The following LLGL2 variants were observed in gnomAD, a reference collection of about 807,000 sequenced individuals.
LLGL2 encodes LLGL2, scribble cell polarity complex component.
LLGL2 carries 81 observed loss-of-function variants against 123.2 expected under a neutral mutation model. The observed-to-expected ratio is 0.66, with a 90% CI of 0.55 to 0.79. The LOEUF (loss-of-function observed/expected upper bound fraction) is 0.79, where lower values mean the gene tolerates loss of function less well. Among genes scored for constraint, LLGL2 ranks in the 30% least tolerant of loss-of-function variants. The pLI is 0.00. For missense variants in LLGL2, 1,273 were observed against 1,414.6 expected (o/e 0.90, Z 1.61); for synonymous variants, 577 against 594.1 (o/e 0.97, Z 0.42).
Position 75,573,103 on chromosome 17 carries a change from C to G in LLGL2, c.2550C>G (p.His850Gln). 1 of 1,612,860 alleles carries G rather than the reference C, an allele frequency of 6.2e-7. No individual in the cohort carries two copies. Among genetic ancestry groups the G allele is most frequent in the Non-Finnish European group, 8.5e-7 (1 of 1,179,946 alleles). ...GAGTGCGGCGGGTCAGCGTGGCCCACTTCGGCAGTCGTCGAGCCGAGGACT... is the reference window on the plus strand; with the variant it reads ...GAGTGCGGCGGGTCAGCGTGGCCCAGTTCGGCAGTCGTCGAGCCGAGGACT... The part of the protein sequence containing the change: ...GSRVRRVSVA[H>Q]FGSRRAEDYG... The change falls in exon 20 of 26, where the codon CAC becomes CAG. Residue 850 changes from histidine to glutamine, a missense_variant. Physicochemically the swap from His to Gln is conservative, Grantham distance 24. Coordinates refer to ENST00000392550, the MANE Select transcript of LLGL2 (RefSeq NM_001031803.2).
chr17:75,535,415 G>T lies in LLGL2; in HGVS notation c.-30-7982G>T, dbSNP rs921741388. On this transcript the variant is annotated intron_variant, in intron 1 of 25. Coordinates refer to ENST00000392550, the MANE Select transcript of LLGL2 (RefSeq NM_001031803.2). ...CGGCCCGGGGGCCCTCTCTGGTTTCGGCTGGGTCTGGAGTCCTGCCGCTGG... is the reference window on the plus strand; with the variant it reads ...CGGCCCGGGGGCCCTCTCTGGTTTCTGCTGGGTCTGGAGTCCTGCCGCTGG... Among the ~76,000 whole-genome samples, 3 of 152,192 alleles carry T rather than the reference G, an allele frequency of 2.0e-5. No individual in the cohort carries two copies. In the East Asian group the frequency reaches 5.8e-4, roughly 29 times the overall value.
chr17:75,558,087 G>A lies in LLGL2; in HGVS notation c.174-68G>A. On this transcript the variant is annotated intron_variant, in intron 3 of 25. Transcript: ENST00000392550. This position sits in a 1 kb window ranked among gnomAD's most constrained non-coding sequence, Gnocchi z 4.0. Reference sequence around the variant, plus strand: ...TGCATCATTGCACATGGGCCCCGAGGGCCTGGCACTCAAGGCAGGCAGGGG... The same window carrying A: ...TGCATCATTGCACATGGGCCCCGAGAGCCTGGCACTCAAGGCAGGCAGGGG... The A allele has an allele frequency of 6.9e-7, 1 of 1,445,538 alleles. No homozygotes were observed. The highest frequency in any genetic ancestry group is 9.7e-7 in the Non-Finnish European group (1 of 1,027,112). The allele number at this position is 1,445,538 out of a possible 1,614,324, so 89.5% of individuals were successfully genotyped here.
chr17:75,539,701 A>G (rs2054138968), intron 1 of LLGL2, among the ~76,000 whole-genome samples: 1 of 149,706 alleles, frequency 6.7e-6, no homozygotes. Context: ...TCCACCTCCC[A>G]GGTTCAAGTG....
rs1671028 is a variant in LLGL2 at position 75,563,482 on chromosome 17, G to A, written c.826+19G>A. Reference sequence around the variant, plus strand: ...CCTTACGGTCAGTGTTTCACCCGCCGGGCAGGGCCCACCCCCAGTGCCTCC... The same window carrying A: ...CCTTACGGTCAGTGTTTCACCCGCCAGGCAGGGCCCACCCCCAGTGCCTCC... On this transcript the variant is annotated intron_variant, in intron 8 of 25. Coordinates refer to ENST00000392550, the MANE Select transcript of LLGL2 (RefSeq NM_001031803.2). 444,883 of 1,609,868 alleles carry A rather than the reference G, an allele frequency of 0.28. 63,681 individuals are homozygous for A. The highest frequency in any genetic ancestry group is 0.38 in the African/African-American group (28,771 of 74,930).
chr17:75,572,144 C>A, intron 19 of LLGL2, 80 bp downstream of exon 19: 1 of 1,381,954 alleles, frequency 7.2e-7, no homozygotes, highest in Non-Finnish European at 1.0e-6. Flanking sequence ...AAAATGATGG[C>A]TGGGACTCAG....
At chr17:75,567,661 A>G (rs34478905) in intron 10 of LLGL2, among the ~76,000 whole-genome samples, 52,644 of 151,352 alleles carry the variant, frequency 0.35, 10,329 homozygotes, top group African/African-American at 0.55. Flanking sequence ...GAAAAAAAAG[A>G]CTGGGCACAG....
At chr17:75,548,142 G>A (rs1007786394) in intron 2 of LLGL2, among the ~76,000 whole-genome samples, 4 of 152,072 alleles carry the variant, frequency 2.6e-5, no homozygotes, top group Non-Finnish European at 4.4e-5. Context: ...CAAATATTCC[G>A]AAACCCAAAA....
At chr17:75,574,281 TGGGGCTGGCAGGAGGGGTGGGGAAGGG>T in intron 23 of LLGL2, 21 bp downstream of exon 23, 1 of 223,426 alleles carries the variant, frequency 4.5e-6, no homozygotes, top group Non-Finnish European at 6.6e-6. Context: ...TGGGAGAGGG[TGGGGCTGGCAGGAGGGGTGGGGAAGGG>T]GGGTCAGGGT....
intron 1 of LLGL2, among the ~76,000 whole-genome samples, chr17:75,532,077 CTTTTTTTTTTTT>C (rs1555648013): frequency 3.0e-4 from 25 of 83,998 alleles, no homozygotes; most frequent in African/African-American, 8.9e-4. Context: ...CACACACACA[CTTTTTTTTTTTT>C]TTTTTTTTTG....
chr17:75,571,616 C>T (rs573364161), intron 17 of LLGL2, 51 bp from the exon 18 acceptor site: 18 of 1,410,434 alleles, frequency 1.3e-5, no homozygotes, highest in African/African-American at 2.8e-5. Context: ...TGCCCAGCTC[C>T]ACCCGACTCC....
At position 75,573,627 on chromosome 17, in the gene LLGL2, G is replaced by A. The variant is rs948066661; in HGVS notation, c.2872G>A (p.Ala958Thr). The A allele has an allele frequency of 2.2e-5, 36 of 1,607,738 alleles. No individual in the cohort carries two copies. The highest frequency in any genetic ancestry group is 2.8e-5 in the Non-Finnish European group (33 of 1,177,672). The stretch of plus-strand genomic sequence containing the variant: ...GGGCCCCAAGAAGGCCCCGAGCCGA[G>A]CCAGGTGAGTGAAAGGGCCAGAGGC... ...GAGPKKAPSRARNSGTQSDGE... is the reference protein window; with the variant it reads ...GAGPKKAPSRTRNSGTQSDGE... Residue 958 changes from alanine to threonine, a missense_variant, in exon 21 of 26, where the codon GCC becomes ACC. Transcript: ENST00000392550.
chr17:75,556,412 G>C (rs531826279), intron 3 of LLGL2, among the ~76,000 whole-genome samples: 1 of 152,136 alleles, frequency 6.6e-6, no homozygotes, highest in Non-Finnish European at 1.5e-5. Flanking sequence ...AGGAGATACA[G>C]GCTTATTTTG....
At chr17:75,574,548 TCAGGGGAGCG>T in intron 24 of LLGL2, 52 bp from the exon 25 acceptor site, 1 of 1,591,648 alleles carries the variant, frequency 6.3e-7, no homozygotes, top group Non-Finnish European at 8.5e-7. Flanking sequence ...GCCAGAGGGC[TCAGGGGAGCG>T]CTGAGAGTGG....
intron 10 of LLGL2, chr17:75,567,964 A>T: frequency 1.4e-6 from 1 of 709,130 alleles, no homozygotes; most frequent in Non-Finnish European, 1.7e-6. Flanking sequence ...AAAAAAAAAA[A>T]AGACAAATGG....
At position 75,556,035 on chromosome 17, in the gene LLGL2, T is replaced by G. The variant is rs778987794; in HGVS notation, c.76-11T>G. 1.6e-5 allele frequency: 25 copies of G among 1,606,616 alleles called. No individual in the cohort carries two copies. Among genetic ancestry groups the G allele is most frequent in the Admixed American group, 1.3e-4 (8 of 59,986 alleles). On this transcript the variant is annotated splice_polypyrimidine_tract_variant and intron_variant, in intron 2 of 25. Transcript: ENST00000392550. ...GGTCTGCAGGCCCACCCCACGTGCT[T>G]CTCGTTGCAGACGGTGGAGCATGGC...
chr17:75,564,033 C>T lies in LLGL2; in HGVS notation c.881+227C>T, dbSNP rs928199668. Among the ~76,000 whole-genome samples the T allele has an allele frequency of 3.9e-5, 6 of 152,204 alleles. No individual in the cohort carries two copies. Among genetic ancestry groups the T allele is most frequent in the African/African-American group, 1.2e-4 (5 of 41,450 alleles). On this transcript the variant is annotated intron_variant, in intron 9 of 25. Transcript: ENST00000392550. This position sits in a 1 kb window ranked among gnomAD's most constrained non-coding sequence, Gnocchi z 4.9. ...CCTTTCTTCCACCTTCCCAGAGAGA[C>T]GGTACTGAGCAGCAGGTCTTAAACT...
chr17:75,571,818 G>T, intron 18 of LLGL2, 35 bp downstream of exon 18: 1 of 1,602,746 alleles, frequency 6.2e-7, no homozygotes. Flanking sequence ...AGGGTGCTCG[G>T]GCTGCCTGGG....
intron 1 of LLGL2, among the ~76,000 whole-genome samples, chr17:75,532,861 C>G (rs561654185): frequency 7.2e-5 from 11 of 152,336 alleles, no homozygotes; most frequent in African/African-American, 2.4e-4. Flanking sequence ...TGGCCTTGGC[C>G]GGAGACTTGA....
chr17:75,553,314 A>G lies in LLGL2; in HGVS notation c.76-2732A>G, dbSNP rs142104585. Among the ~76,000 whole-genome samples the G allele has an allele frequency of 3.6e-3, 551 of 152,286 alleles. 18 individuals carry two copies. The East Asian group carries it at 0.054, about 15-fold the overall frequency. On this transcript the variant is annotated intron_variant, in intron 2 of 25. Transcript: ENST00000392550. ...CTGTTCCTAGCAAAGGCCAGGCCTG[A>G]GGCACCCCCCGTCTCCCCCGACCTT...
Sources: allele counts gnomAD v4.1 joint callset (sites outside exome capture counted in the v4.1 genomes callset), GRCh38; gene constraint gnomAD v4.1.1; non-coding constraint Gnocchi (gnomAD v3.1); transcripts MANE v1.5; gene names NCBI Gene and HGNC (gene_info 2026-07-23, HGNC 2026-07-21).